The following KIF21A variants were observed in gnomAD, a reference collection of about 807,000 sequenced individuals.
KIF21A encodes the protein kinesin family member 21A, also known as kinesin-like protein KIF21A.
In KIF21A, 114 loss-of-function variants were observed where a neutral mutation model predicts 202.9. That is an observed-to-expected ratio of 0.56 (90% confidence interval 0.48 to 0.66). KIF21A has a LOEUF of 0.66. Ranked by LOEUF, KIF21A falls within the 30% of genes least tolerant of loss-of-function variation. The pLI, the probability that KIF21A is intolerant of heterozygous loss-of-function variation, is 0.00. For synonymous variants in KIF21A, 667 were observed against 670.8 expected (o/e 0.99, Z 0.09); for missense variants, 1,677 against 1,994.9 (o/e 0.84, Z 3.04).
chr12:39,378,639 GC>G (rs900976071), intron 1 of KIF21A, among the ~76,000 whole-genome samples: 1 of 152,080 alleles, frequency 6.6e-6, no homozygotes, highest in African/African-American at 2.4e-5. Context: ...ATAATCCAAG[GC>G]CCACAGAAAA....
intron 7 of KIF21A, among the ~76,000 whole-genome samples, chr12:39,359,122 A>T (rs765011385): frequency 5.9e-5 from 9 of 152,138 alleles, no homozygotes; most frequent in Non-Finnish European, 1.3e-4. Context: ...TAGAAAAATC[A>T]ATGCCTATCA....
At chr12:39,381,208 T>A in intron 1 of KIF21A, among the ~76,000 whole-genome samples, 1 of 149,800 alleles carries the variant, frequency 6.7e-6, no homozygotes, top group East Asian at 2.0e-4. Context: ...CTCAGGAGGC[T>A]GAGGCAGGAG....
chr12:39,320,932 C>CAAAAAAAAAAAAAAAAAAAAAAAAAAAAA (rs59613512), intron 27 of KIF21A, among the ~76,000 whole-genome samples: 1 of 16,124 alleles, frequency 6.2e-5, no homozygotes, highest in Non-Finnish European at 1.3e-4. Flanking sequence ...AAGACTCTGC[C>CAAAAAAAAAAAAAAAAAAAAAAAAAAAAA]AAAAAAAAAA....
intron 1 of KIF21A, among the ~76,000 whole-genome samples, chr12:39,372,004 G>T (rs1949994601): frequency 6.6e-6 from 1 of 150,698 alleles, no homozygotes; most frequent in Admixed American, 6.6e-5. Context: ...AAAGGAATCT[G>T]GTCTCATAGC....
In KIF21A at chr12:39,443,008, C is replaced by G; in HGVS notation, c.-38G>C. On this transcript the variant is annotated 5_prime_UTR_variant, in exon 1 of 38. Transcript: ENST00000361418. Reference sequence around the variant, plus strand: ...CAGCGATCGAGCCGTTGGGCCTCGGCACCGCAGAGCTGAGGCGCCACTGGG... The same window carrying G: ...CAGCGATCGAGCCGTTGGGCCTCGGGACCGCAGAGCTGAGGCGCCACTGGG... The G allele has an allele frequency of 6.6e-7, 1 of 1,507,352 alleles. No homozygotes were observed. Among genetic ancestry groups the G allele is most frequent in the South Asian group, 1.2e-5 (1 of 81,104 alleles). 93.4% of individuals were successfully genotyped at this position (1,507,352 alleles called of 1,614,324 possible). A position where few individuals can be genotyped will look rare whatever the true frequency, so the allele number is the denominator to read the frequency against.
At chr12:39,346,535 G>A in intron 11 of KIF21A, 31 bp from the exon 12 acceptor site, 2 of 1,408,446 alleles carry the variant, frequency 1.4e-6, no homozygotes, top group East Asian at 2.8e-5. Flanking sequence ...GTATTGGAAG[G>A]CCAAGCCAAT....
chr12:39,408,728 G>A (rs1952817430), intron 1 of KIF21A, among the ~76,000 whole-genome samples: 1 of 152,054 alleles, frequency 6.6e-6, no homozygotes, highest in South Asian at 2.1e-4. Flanking sequence ...AGGGAGAAGT[G>A]GGATGCTCTC....
At chr12:39,417,989 C>T (rs1437184876) in intron 1 of KIF21A, among the ~76,000 whole-genome samples, 1 of 152,038 alleles carries the variant, frequency 6.6e-6, no homozygotes, top group African/African-American at 2.4e-5. Context: ...AGGTGGATCT[C>T]TTGGGCTCAG....
intron 37 of KIF21A, among the ~76,000 whole-genome samples, chr12:39,295,189 TAC>T (rs942309962): frequency 4.6e-5 from 7 of 152,342 alleles, no homozygotes; most frequent in African/African-American, 9.6e-5. Flanking sequence ...CCTGTAAATA[TAC>T]ACAGTTATTG....
intron 11 of KIF21A, among the ~76,000 whole-genome samples, chr12:39,347,495 T>C (rs1256220250): frequency 6.6e-5 from 10 of 151,958 alleles, no homozygotes; most frequent in Non-Finnish European, 1.5e-4. Flanking sequence ...TTTTTCAGAA[T>C]TATCAATATT....
rs777791795 is a variant in KIF21A at position 39,358,225 on chromosome 12, G to A, written c.1168C>T (p.Arg390Cys). 1.9e-6 allele frequency: 3 copies of A among 1,613,894 alleles called. No homozygotes were observed. The highest frequency in any genetic ancestry group is 2.5e-6 in the Non-Finnish European group (3 of 1,179,994). The change falls in exon 8 of 38, where the codon CGT becomes TGT. Residue 390 changes from arginine to cysteine, a missense_variant. Physicochemically the swap from Arg to Cys is radical, Grantham distance 180. This residue lies in a region of KIF21A where 966 missense variants were observed against 1,180.9 expected (regional missense o/e 0.82). Transcript: ENST00000361418. ...ATCTGAAGTCGTGTGATTTCACTAC[G>A]AAGTGCATTGATTTGCTGACTAGCT... is the stretch of plus-strand genomic sequence containing the variant. ...DRASQQINALRSEITRLQMEL... is the reference protein window; with the variant it reads ...DRASQQINALCSEITRLQMEL...
intron 33 of KIF21A, 62 bp downstream of exon 33, chr12:39,309,524 T>TAAAAAA: frequency 9.6e-7 from 1 of 1,042,662 alleles, no homozygotes; most frequent in Non-Finnish European, 1.4e-6. Context: ...CTTATATTTG[T>TAAAAAA]AAAAAAAAAA....
At chr12:39,348,201 C>A (rs1948065101) in intron 11 of KIF21A, among the ~76,000 whole-genome samples, 1 of 152,038 alleles carries the variant, frequency 6.6e-6, no homozygotes, top group Non-Finnish European at 1.5e-5. Context: ...AATAATCTAA[C>A]ACCTCTCCAT....
At chr12:39,388,209 G>A (rs1225004416) in intron 1 of KIF21A, among the ~76,000 whole-genome samples, 2 of 152,078 alleles carry the variant, frequency 1.3e-5, no homozygotes, top group Non-Finnish European at 2.9e-5. Context: ...GTGTGAGTGA[G>A]TTCTCTATTT....
intron 1 of KIF21A, among the ~76,000 whole-genome samples, chr12:39,417,687 C>T (rs74523683): frequency 0.041 from 6,286 of 152,144 alleles, 431 homozygotes; most frequent in African/African-American, 0.14. Flanking sequence ...GCTCATACTT[C>T]ACTGGTCTAC....
At chr12:39,297,444 G>A (rs921199016) in intron 37 of KIF21A, among the ~76,000 whole-genome samples, 4 of 151,916 alleles carry the variant, frequency 2.6e-5, no homozygotes, top group African/African-American at 9.7e-5. Flanking sequence ...GTAGGGACAT[G>A]GATGAAATTG....
intron 29 of KIF21A, among the ~76,000 whole-genome samples, chr12:39,317,823 A>G (rs935081706): frequency 6.6e-6 from 1 of 152,224 alleles, no homozygotes; most frequent in Admixed American, 6.5e-5. Flanking sequence ...TGTAAAAGAA[A>G]AGGCAAGACA....
chr12:39,346,850 C>T lies in KIF21A; in HGVS notation c.1674-346G>A, dbSNP rs11171797. Among the ~76,000 whole-genome samples, 182 of 151,698 alleles carry T rather than the reference C, an allele frequency of 1.2e-3. 2 individuals carry two copies. Among genetic ancestry groups the T allele is most frequent in the Middle Eastern group, 6.8e-3 (2 of 294 alleles). Reference sequence around the variant, plus strand: ...GTCTGAAGTGGGTCAATTTACTCAGCTTCCCCCAAAAAAGACCACTTTCAA... The same window carrying T: ...GTCTGAAGTGGGTCAATTTACTCAGTTTCCCCCAAAAAAGACCACTTTCAA... On this transcript the variant is annotated intron_variant, in intron 11 of 37. Transcript: ENST00000361418.
At chr12:39,421,736 T>C (rs1389523374) in intron 1 of KIF21A, among the ~76,000 whole-genome samples, 1 of 141,184 alleles carries the variant, frequency 7.1e-6, no homozygotes, top group Non-Finnish European at 1.5e-5. Flanking sequence ...TATATATATA[T>C]ATATATACAC....
Sources: gnomAD v4.1 joint callset for allele counts (sites outside exome capture counted in the v4.1 genomes callset) on GRCh38, gnomAD v4.1.1 for gene constraint, gnomAD v4.1.1 regional missense constraint, MANE v1.5 for transcripts, NCBI Gene and HGNC (gene_info 2026-07-23, HGNC 2026-07-21) for gene names.